The following SENP6 variants were observed in gnomAD, a reference collection of about 807,000 sequenced individuals.
SENP6 encodes SUMO specific peptidase 6.
A neutral mutation model predicts 134.5 loss-of-function variants in SENP6; 41 were observed. The observed-to-expected ratio is 0.30, with a 90% CI of 0.24 to 0.40. SENP6 has a LOEUF of 0.40. Among genes scored for constraint, SENP6 ranks in the 10% least tolerant of loss-of-function variants. The pLI is 1.00. For synonymous variants in SENP6, 395 were observed against 429.8 expected (o/e 0.92, Z 1.00); for missense variants, 1,248 against 1,312.5 (o/e 0.95, Z 0.76).
intron 6 of SENP6, among the ~76,000 whole-genome samples, chr6:75,643,406 G>A (rs1770181503): frequency 6.6e-6 from 1 of 152,194 alleles, no homozygotes; most frequent in Non-Finnish European, 1.5e-5. Context: ...TTAATTACAA[G>A]GGAGATGGAG....
intron 19 of SENP6, among the ~76,000 whole-genome samples, chr6:75,704,478 A>T (rs1011391241): frequency 2.0e-5 from 3 of 152,274 alleles, no homozygotes; most frequent in Non-Finnish European, 4.4e-5. Context: ...ATTGCTGCCA[A>T]CATGTCTCGC....
At chr6:75,671,615 G>T (rs182471862) in intron 11 of SENP6, among the ~76,000 whole-genome samples, 8 of 152,078 alleles carry the variant, frequency 5.3e-5, no homozygotes, top group Admixed American at 2.6e-4. Context: ...CCAGCTGCTC[G>T]GGAGGCTGAG....
At chr6:75,631,949 A>G (rs1769143214) in intron 3 of SENP6, among the ~76,000 whole-genome samples, 1 of 152,140 alleles carries the variant, frequency 6.6e-6, no homozygotes, top group Admixed American at 6.5e-5. Flanking sequence ...TAAACAAGTG[A>G]CTGTCACCCA....
Position 75,709,612 on chromosome 6 carries a change from A to G in SENP6, c.2802A>G (p.Ser934=). 6.2e-7 allele frequency: 1 copy of G among 1,613,534 alleles called. No homozygotes were observed. Reference sequence around the variant, plus strand: ...TTGAAGATGAACTCGTCGACTTCTCAGAAGATCAGGATAACCAGGTAAAAC... The same window carrying G: ...TTGAAGATGAACTCGTCGACTTCTCGGAAGATCAGGATAACCAGGTAAAAC... ...KMLEDELVDF[S]EDQDNQDDSS... is the part of the protein sequence containing the mutation. The change falls in exon 20 of 24, where the codon TCA becomes TCG. Residue 934 remains serine (S), a synonymous_variant. Transcript: ENST00000447266.
chr6:75,690,127 T>G (rs1426399402), intron 16 of SENP6, among the ~76,000 whole-genome samples: 1 of 152,206 alleles, frequency 6.6e-6, no homozygotes, highest in Non-Finnish European at 1.5e-5. Flanking sequence ...GCCAGGCTGG[T>G]CTTGAGCTCC....
chr6:75,634,684 T>A, intron 4 of SENP6, 23 bp from the exon 5 acceptor site: 1 of 1,364,746 alleles, frequency 7.3e-7, no homozygotes, highest in Non-Finnish European at 1.0e-6. Flanking sequence ...GTTCAAGTTA[T>A]TTTTTGTTTC....
chr6:75,713,377 C>T, intron 21 of SENP6, 136 bp from the exon 22 acceptor site: 2 of 599,738 alleles, frequency 3.3e-6, no homozygotes, highest in East Asian at 2.8e-5. Context: ...CATTTTTTTT[C>T]CCTCAGTAGT....
intron 1 of SENP6, among the ~76,000 whole-genome samples, chr6:75,609,457 C>G (rs2149818679): frequency 6.6e-6 from 1 of 152,308 alleles, no homozygotes; most frequent in South Asian, 2.1e-4. Flanking sequence ...AGAGCCAGCC[C>G]TGATTGAAGG....
At position 75,697,515 on chromosome 6, in the gene SENP6, A is replaced by G. The variant is rs1472414530; in HGVS notation, c.2286A>G (p.Glu762=). 6.3e-7 allele frequency: 1 copy of G among 1,599,996 alleles called. No homozygotes were observed. Among genetic ancestry groups the G allele is most frequent in the Admixed American group, 1.7e-5 (1 of 58,362 alleles). ...ATTTTATTTTTGTACCCCTTAATGA[A>G]GCGTGAGTAAGAATTTCCTTTAAAG... ...EKDFIFVPLN[E]AAHWFLAVVC... The change falls in exon 18 of 24, where the codon GAA becomes GAG. Residue 762 remains glutamate, a splice_region_variant and synonymous_variant. Coordinates refer to ENST00000447266, the MANE Select transcript of SENP6 (RefSeq NM_015571.4).
chr6:75,717,533 A>G lies in SENP6; in HGVS notation c.*1939A>G, dbSNP rs1321963222. The G allele has an allele frequency of 6.6e-6, 1 of 152,084 alleles. No individual in the cohort carries two copies. Among genetic ancestry groups the G allele is most frequent in the Non-Finnish European group, 1.5e-5 (1 of 67,948 alleles). The allele number at this position is 152,084 out of a possible 1,614,324, so 9.4% of individuals were successfully genotyped here. A position where few individuals can be genotyped will look rare whatever the true frequency, so the allele number is the denominator to read the frequency against. On this transcript the variant is annotated 3_prime_UTR_variant, in exon 24 of 24. Coordinates refer to ENST00000447266, the MANE Select transcript of SENP6 (RefSeq NM_015571.4). ...TGGCATTTTTCCCACCCCATGTGAA[A>G]TTTTATTTTTGGAAGTTATGCTAGT... is the stretch of plus-strand genomic sequence containing the variant.
chr6:75,632,733 G>T (rs1769207759), intron 3 of SENP6, among the ~76,000 whole-genome samples: 1 of 152,038 alleles, frequency 6.6e-6, no homozygotes, highest in African/African-American at 2.4e-5. Flanking sequence ...AAGTTTTAGG[G>T]ACTTCCAGAC....
intron 1 of SENP6, among the ~76,000 whole-genome samples, chr6:75,604,613 A>G (rs1209930787): frequency 6.7e-6 from 1 of 148,376 alleles, no homozygotes; most frequent in Non-Finnish European, 1.5e-5. Context: ...CAACTGAGCG[A>G]GATTCTGTCT....
At chr6:75,637,746 C>T (rs538697199) in intron 5 of SENP6, among the ~76,000 whole-genome samples, 4 of 151,944 alleles carry the variant, frequency 2.6e-5, no homozygotes, top group Non-Finnish European at 5.9e-5. Context: ...AGTCTTCCCC[C>T]GCAACTTAGG....
intron 11 of SENP6, among the ~76,000 whole-genome samples, chr6:75,673,999 T>G (rs1772885261): frequency 1.3e-5 from 2 of 151,866 alleles, no homozygotes; most frequent in Non-Finnish European, 1.5e-5. Context: ...CCAGCTCGGG[T>G]GACAGAGTGA....
chr6:75,708,597 A>C (rs929591275), intron 19 of SENP6, among the ~76,000 whole-genome samples: 2 of 152,058 alleles, frequency 1.3e-5, no homozygotes, highest in Non-Finnish European at 1.5e-5. Context: ...CTGTCTCTTA[A>C]AAAATAAATA....
chr6:75,663,789 G>A (rs961842947), intron 9 of SENP6, among the ~76,000 whole-genome samples: 3 of 137,586 alleles, frequency 2.2e-5, no homozygotes, highest in East Asian at 4.3e-4. Context: ...TAAATGGGTA[G>A]ATTTCCTGCT....
chr6:75,653,292 A>G (rs1254721570), intron 7 of SENP6, among the ~76,000 whole-genome samples: 3 of 152,238 alleles, frequency 2.0e-5, no homozygotes. Flanking sequence ...CGGCCTCCCA[A>G]AGTGGCGGGA....
intron 6 of SENP6, 177 bp from the exon 7 acceptor site, chr6:75,647,553 AT>A: frequency 2.7e-6 from 1 of 372,980 alleles, no homozygotes; most frequent in South Asian, 4.6e-5. Flanking sequence ...ATACAGTAAA[AT>A]TTTACAAATT....
chr6:75,646,114 A>G (rs779988305), intron 6 of SENP6, among the ~76,000 whole-genome samples: 11 of 152,250 alleles, frequency 7.2e-5, no homozygotes, highest in Non-Finnish European at 1.6e-4. Context: ...GGATTTGGAA[A>G]TAAGACTATA....
Sources: allele counts gnomAD v4.1 joint callset (sites outside exome capture counted in the v4.1 genomes callset), GRCh38; gene constraint gnomAD v4.1.1; transcripts MANE v1.5; gene names NCBI Gene and HGNC (gene_info 2026-07-23, HGNC 2026-07-21).